The following PLCE1 variants were observed in gnomAD, a reference collection of about 807,000 sequenced individuals.
PLCE1 encodes 1-phosphatidylinositol 4,5-bisphosphate phosphodiesterase epsilon-1.
In PLCE1, 119 loss-of-function variants were observed where a neutral mutation model predicts 242.8. That is an observed-to-expected ratio of 0.49 (90% CI 0.42 to 0.57). The LOEUF (loss-of-function observed/expected upper bound fraction) is 0.57, where lower values mean the gene tolerates loss of function less well. Ranked by LOEUF, PLCE1 falls within the 20% of genes least tolerant of loss-of-function variation. The pLI is 0.00. For synonymous variants in PLCE1, 945 were observed against 1,017.4 expected, an observed-to-expected ratio of 0.93 and a Z score of 1.35; for missense variants, 2,441 against 2,788.8, an observed-to-expected ratio of 0.88 and a Z score of 2.81.
At chr10:94,318,990 G>A (rs922846920) in intron 29 of PLCE1, among the ~76,000 whole-genome samples, 1 of 152,216 alleles carries the variant, frequency 6.6e-6, no homozygotes, top group Non-Finnish European at 1.5e-5. Flanking sequence ...AGAGGTTGCA[G>A]TGAGCCAAGA....
At position 94,319,864 on chromosome 10, in the gene PLCE1, C is replaced by CTTTTTT. The variant is rs58610099; in HGVS notation, c.6343-2019_6343-2014dup. On this transcript the variant is annotated intron_variant, in intron 29 of 32. Coordinates refer to ENST00000371380, the MANE Select transcript of PLCE1 (RefSeq NM_016341.4). Reference sequence around the variant, plus strand: ...GCTCTGAGGGAGGCTCAAAGGTGCTCTTTTTTTTTTTTTTTTTTTTTTTGA... The same window carrying CTTTTTT: ...GCTCTGAGGGAGGCTCAAAGGTGCTCTTTTTTTTTTTTTTTTTTTTTTTTTTTTTGA... 1.7e-3 allele frequency among the ~76,000 whole-genome samples: 159 copies of CTTTTTT among 92,914 alleles called. 10 individuals carry two copies. The highest frequency in any genetic ancestry group is 5.7e-3 in the African/African-American group (153 of 26,742). 61.0% of individuals were successfully genotyped at this position (92,914 alleles called of 152,430 possible).
intron 7 of PLCE1, among the ~76,000 whole-genome samples, chr10:94,239,546 C>T (rs1201439607): frequency 1.3e-5 from 2 of 152,154 alleles, no homozygotes; most frequent in Non-Finnish European, 2.9e-5. Flanking sequence ...TCGGGCAGTT[C>T]TTTATAACAG....
chr10:94,051,947 C>T (rs2043777367), intron 2 of PLCE1, among the ~76,000 whole-genome samples: 1 of 152,226 alleles, frequency 6.6e-6, no homozygotes, highest in African/African-American at 2.4e-5. Flanking sequence ...ATTTCTCCCA[C>T]CAAGTGAACA....
At chr10:94,068,258 T>C (rs181009606) in intron 2 of PLCE1, among the ~76,000 whole-genome samples, 1 of 152,256 alleles carries the variant, frequency 6.6e-6, no homozygotes, top group Non-Finnish European at 1.5e-5. Context: ...TTCTCAGCAA[T>C]AGAATTGACC....
At chr10:94,167,455 C>A (rs758977479) in intron 3 of PLCE1, among the ~76,000 whole-genome samples, 1 of 152,066 alleles carries the variant, frequency 6.6e-6, no homozygotes, top group Non-Finnish European at 1.5e-5. Flanking sequence ...TTCTTGTTCA[C>A]TAAATTTCAA....
At position 94,252,490 on chromosome 10, in the gene PLCE1, C is replaced by T. The variant is rs1281983846; in HGVS notation, c.3271C>T (p.Leu1091Phe). 1 of 1,612,764 alleles carries T rather than the reference C, an allele frequency of 6.2e-7. No homozygotes were observed. The highest frequency in any genetic ancestry group is 8.5e-7 in the Non-Finnish European group (1 of 1,179,286). The stretch of plus-strand genomic sequence containing the variant: ...CACTACCAAGAAAAAGAAGAAAATC[C>T]TCATGAGGGTAGAGTGTTATTTGTT... ...ISTTKKKKKI[L>F]MRGESGEVTD... The change falls in exon 9 of 33, where the codon CTC (leucine) becomes TTC (phenylalanine). Residue 1091 changes from leucine to phenylalanine, a missense_variant. Physicochemically the swap from Leu to Phe is conservative, Grantham distance 22. Coordinates refer to ENST00000371380, the MANE Select transcript of PLCE1 (RefSeq NM_016341.4).
chr10:94,016,047 A>G (rs1473412181), intron 1 of PLCE1, among the ~76,000 whole-genome samples: 1 of 152,160 alleles, frequency 6.6e-6, no homozygotes, highest in Admixed American at 6.5e-5. Flanking sequence ...CTATATGTCC[A>G]AGGATGTGTT....
intron 2 of PLCE1, among the ~76,000 whole-genome samples, chr10:94,068,645 T>C (rs1161117148): frequency 6.6e-6 from 1 of 152,210 alleles, no homozygotes; most frequent in Non-Finnish European, 1.5e-5. Context: ...ATGCTTACTA[T>C]ATGCCTGGCA....
chr10:94,058,511 T>A (rs1471020760), intron 2 of PLCE1, among the ~76,000 whole-genome samples: 1 of 152,142 alleles, frequency 6.6e-6, no homozygotes, highest in African/African-American at 2.4e-5. Context: ...CAGTAAAAAA[T>A]TTGTTTCAAT....
intron 25 of PLCE1, among the ~76,000 whole-genome samples, chr10:94,305,659 C>A (rs1002445067): frequency 6.6e-6 from 1 of 152,106 alleles, no homozygotes; most frequent in Non-Finnish European, 1.5e-5. Flanking sequence ...TAGATAGAGG[C>A]GAGGGTAGTT....
At chr10:94,169,820 T>G (rs578069128) in intron 3 of PLCE1, among the ~76,000 whole-genome samples, 3 of 152,232 alleles carry the variant, frequency 2.0e-5, no homozygotes, top group Non-Finnish European at 4.4e-5. Flanking sequence ...ATGGTTTGAG[T>G]CTGCCCAGCA....
chr10:94,050,253 AC>A lies in PLCE1; in HGVS notation c.1206+18002del, dbSNP rs200817583. On this transcript the variant is annotated intron_variant, in intron 2 of 32. Coordinates refer to ENST00000371380, the MANE Select transcript of PLCE1 (RefSeq NM_016341.4). ...TGGCTGCAGAGGGCTTAGGAAACTT[AC>A]AATCAGGCGGAAGGGGAAGCAGTCA... 7.5e-3 allele frequency among the ~76,000 whole-genome samples: 1,137 copies of A among 152,312 alleles called. 4 individuals carry two copies. Among genetic ancestry groups the A allele is most frequent in the Non-Finnish European group, 0.012 (821 of 68,026 alleles).
intron 4 of PLCE1, among the ~76,000 whole-genome samples, chr10:94,215,260 C>G (rs974756304): frequency 6.6e-6 from 1 of 152,186 alleles, no homozygotes; most frequent in South Asian, 2.1e-4. Flanking sequence ...CTTGGACAGT[C>G]TTCTGGGAAG....
intron 4 of PLCE1, among the ~76,000 whole-genome samples, chr10:94,201,642 A>AT (rs201495424): frequency 2.0e-5 from 3 of 151,808 alleles, no homozygotes; most frequent in South Asian, 2.1e-4. Flanking sequence ...AGCCCGGCTA[A>AT]TTTTTTTTGG....
Position 94,262,723 on chromosome 10 carries a change from C to T in PLCE1, c.4044C>T (p.Ser1348=), listed in dbSNP as rs368791121. 1.2e-6 allele frequency: 2 copies of T among 1,609,898 alleles called. No homozygotes were observed. Among genetic ancestry groups the T allele is most frequent in the Non-Finnish European group, 1.7e-6 (2 of 1,176,258 alleles). The part of the protein sequence containing the change: ...GEHCTYDEIL[S]IIQKFEPSIS... ...ACTGCACTTATGATGAAATCCTCAG[C>T]ATCATCCAGGTTTGTGCCTGTTTTG... is the stretch of plus-strand genomic sequence containing the variant. Residue 1348 remains serine, a synonymous_variant, in exon 14 of 33, where the codon AGC becomes AGT. Coordinates refer to ENST00000371380, the MANE Select transcript of PLCE1 (RefSeq NM_016341.4).
chr10:94,060,163 T>C (rs1589937999), intron 2 of PLCE1, among the ~76,000 whole-genome samples: 1 of 151,952 alleles, frequency 6.6e-6, no homozygotes, highest in African/African-American at 2.4e-5. Flanking sequence ...TACATGCTGG[T>C]CTTGGTCAAG....
rs181358589 is a variant in PLCE1, at chr10:94,152,612, C to T, written c.1493-18568C>T. ...TATTTGGACAAGTTACTTAACATCT[C>T]TGAGTTTCCTCATCTATAAAATGGA... On this transcript the variant is annotated intron_variant, in intron 3 of 32. Coordinates refer to ENST00000371380, the MANE Select transcript of PLCE1 (RefSeq NM_016341.4). Among the ~76,000 whole-genome samples, 7 of 152,338 alleles carry T rather than the reference C, an allele frequency of 4.6e-5. No homozygotes were observed. In the East Asian group the frequency reaches 1.3e-3, roughly 29 times the overall value.
At chr10:94,231,249 C>T (rs2050133574) in intron 5 of PLCE1, among the ~76,000 whole-genome samples, 1 of 152,140 alleles carries the variant, frequency 6.6e-6, no homozygotes, top group Non-Finnish European at 1.5e-5. Flanking sequence ...ACCATAACTA[C>T]TTCATTACTC....
chr10:94,156,750 G>T (rs2047445643), intron 3 of PLCE1, among the ~76,000 whole-genome samples: 1 of 151,962 alleles, frequency 6.6e-6, no homozygotes, highest in Admixed American at 6.6e-5. Flanking sequence ...TGGTTTTTCT[G>T]GTGCCCAGCC....
Sources: allele counts gnomAD v4.1 joint callset (sites outside exome capture counted in the v4.1 genomes callset), GRCh38; gene constraint gnomAD v4.1.1; transcripts MANE v1.5; gene names NCBI Gene and HGNC (gene_info 2026-07-23, HGNC 2026-07-21).